ITGA11: variants seen among roughly 807,000 people sequenced by gnomAD.
ITGA11 encodes integrin alpha-11.
A neutral mutation model predicts 141.9 loss-of-function variants in ITGA11; 97 were observed. The ratio of observed to expected loss-of-function variants is 0.68; its 90% confidence interval spans 0.58 to 0.81. The LOEUF is 0.81. Among genes scored for constraint, ITGA11 ranks in the 30% least tolerant of loss-of-function variants. The pLI, the probability that ITGA11 is intolerant of heterozygous loss-of-function variation, is 0.00. For missense variants in ITGA11, 1,387 were observed against 1,559.2 expected (o/e 0.89, Z 1.86); for synonymous variants, 658 against 624.6 (o/e 1.05, Z -0.80).
chr15:68,431,417 C>T (rs898372139), intron 1 of ITGA11, among the ~76,000 whole-genome samples: 2 of 152,252 alleles, frequency 1.3e-5, no homozygotes, highest in Non-Finnish European at 2.9e-5. Context: ...TGTCCCGCCG[C>T]TGCTGGCCGG....
rs117475450 is a variant in ITGA11 at position 68,310,609 on chromosome 15, C to T, written c.3174+385G>A. ...AGCCAAATGTCTCCAATACAAGCCA[C>T]GTGTGTGTTCTGGTGTTCTGGCTGC... is the stretch of plus-strand genomic sequence containing the variant. On this transcript the variant is annotated intron_variant, in intron 26 of 29. Transcript: ENST00000315757. Among the ~76,000 whole-genome samples, 1,139 of 152,326 alleles carry T rather than the reference C, an allele frequency of 7.5e-3. 3 individuals carry two copies. The highest frequency in any genetic ancestry group is 0.014 in the Middle Eastern group (4 of 294).
chr15:68,414,063 G>A (rs1331703870), intron 1 of ITGA11, among the ~76,000 whole-genome samples: 1 of 152,172 alleles, frequency 6.6e-6, no homozygotes, highest in Non-Finnish European at 1.5e-5. Context: ...CTTGGTGGGG[G>A]TCCAGGCGAT....
At chr15:68,420,477 T>C (rs4533222) in intron 1 of ITGA11, among the ~76,000 whole-genome samples, 24,374 of 152,114 alleles carry the variant, frequency 0.16, 5,511 homozygotes, top group African/African-American at 0.5. Flanking sequence ...CTCTGCCCAT[T>C]TGTAAGCGAT....
intron 1 of ITGA11, among the ~76,000 whole-genome samples, chr15:68,419,237 G>C (rs1403734328): frequency 6.6e-6 from 1 of 152,126 alleles, no homozygotes; most frequent in Non-Finnish European, 1.5e-5. Context: ...TTGGTTTTCA[G>C]TACAGGCCAA....
intron 2 of ITGA11, among the ~76,000 whole-genome samples, chr15:68,386,945 C>T (rs536727075): frequency 4.9e-4 from 73 of 150,246 alleles, no homozygotes; most frequent in South Asian, 4.0e-3. Flanking sequence ...TCGCCTTGGC[C>T]GCCCCCTCAC....
In ITGA11 at chr15:68,370,695, C is replaced by T. The variant is rs377721146; in HGVS notation, c.165-1411G>A. Among the ~76,000 whole-genome samples the T allele has an allele frequency of 4.6e-5, 7 of 152,272 alleles. No individual in the cohort carries two copies. The East Asian group carries it at 5.8e-4, about 13-fold the overall frequency. On this transcript the variant is annotated intron_variant, in intron 2 of 29. Coordinates refer to ENST00000315757, the MANE Select transcript of ITGA11 (RefSeq NM_001004439.2). ...GCCCACAAGAGCCCCGAAAGGCTTT[C>T]GATCCCGAGGGATGGAGAACAGATG...
At chr15:68,389,457 G>A (rs1896064387) in intron 2 of ITGA11, among the ~76,000 whole-genome samples, 1 of 152,234 alleles carries the variant, frequency 6.6e-6, no homozygotes, top group Admixed American at 6.5e-5. Flanking sequence ...TCTGTTCTGT[G>A]TCCCCTTGGG....
intron 16 of ITGA11, among the ~76,000 whole-genome samples, chr15:68,327,377 T>G (rs1894013671): frequency 6.6e-6 from 1 of 152,246 alleles, no homozygotes; most frequent in Admixed American, 6.5e-5. Flanking sequence ...CGCAGGTTGC[T>G]GCTGGCTCTC....
intron 7 of ITGA11, among the ~76,000 whole-genome samples, chr15:68,352,297 A>G (rs1331544130): frequency 1.3e-5 from 2 of 151,224 alleles, no homozygotes; most frequent in Non-Finnish European, 2.9e-5. Flanking sequence ...GGTTCAAGCG[A>G]TTCTCGTGCC....
Position 68,303,392 on chromosome 15 carries a change from C to T in ITGA11, c.3496-262G>A, listed in dbSNP as rs534385897. Among the ~76,000 whole-genome samples, 6 of 152,312 alleles carry T rather than the reference C, an allele frequency of 3.9e-5. No individual in the cohort carries two copies. In the East Asian group the frequency reaches 1.2e-3, roughly 29 times the overall value. The stretch of plus-strand genomic sequence containing the variant: ...CCAGCCAACATCCCTCTCTGGGCCT[C>T]CTTCATCTGTAACAGGAGGAGGCTG... On this transcript the variant is annotated intron_variant, in intron 29 of 29. Coordinates refer to ENST00000315757, the MANE Select transcript of ITGA11 (RefSeq NM_001004439.2). The surrounding 1 kb of genome is among the most constrained non-coding windows in gnomAD (Gnocchi z 5.3).
intron 10 of ITGA11, among the ~76,000 whole-genome samples, chr15:68,344,789 C>T (rs887972701): frequency 1.3e-5 from 2 of 152,104 alleles, no homozygotes; most frequent in African/African-American, 4.8e-5. Flanking sequence ...CCTTTAGGTA[C>T]AAGAGAAAAA....
rs11072008 is a variant in ITGA11, at chr15:68,343,714, G to A, written c.1132-4070C>T. Among the ~76,000 whole-genome samples the A allele has an allele frequency of 2.9e-3, 436 of 152,298 alleles. 16 individuals carry two copies. The East Asian group carries it at 0.069, about 24-fold the overall frequency. On this transcript the variant is annotated intron_variant, in intron 10 of 29. Transcript: ENST00000315757. Reference sequence around the variant, plus strand: ...GTCCACGTCAGAGTGGCTGTAGAGGGGTGAGGCTCTGTTCCCAGGAGCCCC... The same window carrying A: ...GTCCACGTCAGAGTGGCTGTAGAGGAGTGAGGCTCTGTTCCCAGGAGCCCC...
intron 2 of ITGA11, among the ~76,000 whole-genome samples, chr15:68,397,393 A>AATATATTATATATTATTTATT (rs1896320371): frequency 1.6e-4 from 1 of 6,126 alleles, no homozygotes; most frequent in Non-Finnish European, 2.6e-4. Context: ...TTTATTATAT[A>AATATATTATATATTATTTATT]ATATATTATA....
chr15:68,416,996 T>C (rs1896903623), intron 1 of ITGA11, among the ~76,000 whole-genome samples: 2 of 152,194 alleles, frequency 1.3e-5, no homozygotes, highest in Admixed American at 1.3e-4. Context: ...TCATTTTCTC[T>C]GTGTAGGAAA....
intron 2 of ITGA11, among the ~76,000 whole-genome samples, chr15:68,379,337 T>A (rs1895804242): frequency 6.6e-6 from 1 of 152,252 alleles, no homozygotes; most frequent in African/African-American, 2.4e-5. Flanking sequence ...ACCTTTATTG[T>A]TTGTGTCTTT....
At position 68,320,289 on chromosome 15, in the gene ITGA11, C is replaced by T; in HGVS notation, c.2512G>A (p.Val838Met). 1 of 1,614,050 alleles carries T rather than the reference C, an allele frequency of 6.2e-7. No individual in the cohort carries two copies. The highest frequency in any genetic ancestry group is 1.1e-5 in the South Asian group (1 of 91,086). Residue 838 changes from valine (V) to methionine (M), a missense_variant, in exon 20 of 30, where the codon GTG (valine) becomes ATG (methionine). Physicochemically the swap from Val to Met is conservative, Grantham distance 21. Coordinates refer to ENST00000315757, the MANE Select transcript of ITGA11 (RefSeq NM_001004439.2). ...VFIIESTRQR[V>M]AVEATLENRG... ...TTCTCCAGTGTGGCCTCCACCGCCACTCGCTGGCGTGTGCTCTCTATGATG... is the reference window on the plus strand; with the variant it reads ...TTCTCCAGTGTGGCCTCCACCGCCATTCGCTGGCGTGTGCTCTCTATGATG...
At chr15:68,367,723 G>T (rs1021858411) in intron 3 of ITGA11, among the ~76,000 whole-genome samples, 1 of 152,196 alleles carries the variant, frequency 6.6e-6, no homozygotes. Context: ...GCGCATTAAA[G>T]GTTCGGAAAC....
chr15:68,371,009 T>C (rs72743279), intron 2 of ITGA11, among the ~76,000 whole-genome samples: 28,223 of 152,226 alleles, frequency 0.19, 2,874 homozygotes, highest in African/African-American at 0.22. Context: ...TAAGCGTCTA[T>C]GAAATAAGAG....
At chr15:68,353,599 G>A (rs980053987) in intron 7 of ITGA11, among the ~76,000 whole-genome samples, 6 of 152,156 alleles carry the variant, frequency 3.9e-5, no homozygotes, top group South Asian at 2.1e-4. Context: ...GTAATCGTGC[G>A]AATATCAGCA....
Sources: gnomAD v4.1 joint callset for allele counts (sites outside exome capture counted in the v4.1 genomes callset) on GRCh38, gnomAD v4.1.1 for gene constraint, Gnocchi (gnomAD v3.1) non-coding constraint, MANE v1.5 for transcripts, NCBI Gene and HGNC (gene_info 2026-07-23, HGNC 2026-07-21) for gene names.